The following C11orf97 variants were observed in gnomAD, a reference collection of about 807,000 sequenced individuals.
The protein encoded by C11orf97 is uncharacterized protein C11orf97.
C11orf97 carries 15 observed loss-of-function variants against 16.2 expected under a neutral mutation model. That is an observed-to-expected ratio of 0.93 (90% CI 0.62 to 1.43). C11orf97 has a LOEUF of 1.43. Among genes scored for constraint, C11orf97 ranks in the 40% most tolerant of loss-of-function variants. The pLI, the probability that C11orf97 is intolerant of heterozygous loss-of-function variation, is 0.00. For synonymous variants in C11orf97, 61 were observed against 65.7 expected (o/e 0.93, Z 0.34); for missense variants, 171 against 161.2 (o/e 1.06, Z -0.33).
intron 1 of C11orf97, among the ~76,000 whole-genome samples, chr11:94,516,823 C>G (rs1947614635): frequency 6.6e-6 from 1 of 152,146 alleles, no homozygotes; most frequent in Non-Finnish European, 1.5e-5. Flanking sequence ...GTAGCAAAAA[C>G]AGCATGTGCA....
intron 2 of C11orf97, among the ~76,000 whole-genome samples, chr11:94,527,605 A>G (rs1216734054): frequency 6.6e-6 from 1 of 152,198 alleles, no homozygotes; most frequent in Non-Finnish European, 1.5e-5. Context: ...TCTTTTTCAG[A>G]GGGAGATTAA....
chr11:94,527,958 A>T (rs1368609679), intron 2 of C11orf97, 126 bp from the exon 3 acceptor site: 4 of 842,764 alleles, frequency 4.7e-6, no homozygotes, highest in Non-Finnish European at 3.5e-6. Context: ...GAGTGGTTTG[A>T]TTAGTCAAAC....
chr11:94,528,082 A>G lies in C11orf97; in HGVS notation c.251-2A>G. On this transcript the variant is annotated splice_acceptor_variant, in intron 2 of 3. Transcript: ENST00000542198. LOFTEE classifies it high-confidence loss of function. ...TTTTCTTGCCTTAAAAAATATTGAC[A>G]GTGGCCCTGGAAGGGATTTGGAGCA... The G allele has an allele frequency of 6.6e-7, 1 of 1,525,944 alleles. No individual in the cohort carries two copies. The highest frequency in any genetic ancestry group is 8.7e-7 in the Non-Finnish European group (1 of 1,142,938). 94.5% of individuals were successfully genotyped at this position (1,525,944 alleles called of 1,614,324 possible). A position where few individuals can be genotyped will look rare whatever the true frequency, so the allele number is the denominator to read the frequency against.
rs1947577020 is a variant in C11orf97, at chr11:94,512,533, C to T, written c.5C>T (p.Thr2Ile). 2.3e-6 allele frequency: 3 copies of T among 1,308,628 alleles called. No individual in the cohort carries two copies. The highest frequency in any genetic ancestry group is 1.5e-5 in the African/African-American group (1 of 65,422). 81.1% of individuals were successfully genotyped at this position (1,308,628 alleles called of 1,614,324 possible). M[T>I]GEEAVVVTAV... The stretch of plus-strand genomic sequence containing the variant: ...CTCTCGGAAGACCGCTGCGGCATGA[C>T]AGGCGAGGAGGCGGTGGTGGTGACC... The change falls in exon 1 of 4, where the codon ACA becomes ATA. Residue 2 changes from threonine (T) to isoleucine (I), a missense_variant. By Grantham distance (89) the Thr-to-Ile change is moderately conservative (BLOSUM62 -1). Coordinates refer to ENST00000542198, the MANE Select transcript of C11orf97 (RefSeq NM_001190462.2).
chr11:94,528,330 T>A (rs949838608), intron 3 of C11orf97, 121 bp downstream of exon 3: 14 of 952,554 alleles, frequency 1.5e-5, no homozygotes, highest in Non-Finnish European at 2.0e-5. Flanking sequence ...TTTGACTTGT[T>A]TCTCTTGGGT....
intron 3 of C11orf97, among the ~76,000 whole-genome samples, chr11:94,528,432 A>G (rs1338508287): frequency 1.3e-5 from 2 of 152,250 alleles, no homozygotes; most frequent in African/African-American, 4.8e-5. Context: ...ACAGAAGTTC[A>G]TCCTCTGAGT....
chr11:94,528,014 A>G, intron 2 of C11orf97, 70 bp from the exon 3 acceptor site: 1 of 1,393,434 alleles, frequency 7.2e-7, no homozygotes, highest in Non-Finnish European at 9.4e-7. Context: ...CCAATTAAAT[A>G]CTTTAAAAAC....
Position 94,512,662 on chromosome 11 carries a change from A to C in C11orf97, c.134A>C (p.His45Pro). The change falls in exon 1 of 4, where the codon CAC becomes CCC. Residue 45 changes from histidine (H) to proline (P), a missense_variant. Transcript: ENST00000542198. ...GAACCCGGCCGCGGCCCCCTAGAGC[A>C]CGGCCAGCAGTGTGAGTTCAGCTCC... The part of the protein sequence containing the change: ...RGEPGRGPLE[H>P]GQQWKKFLYC... 1 of 1,244,410 alleles carries C rather than the reference A, an allele frequency of 8.0e-7. No homozygotes were observed. Among genetic ancestry groups the C allele is most frequent in the Non-Finnish European group, 1.0e-6 (1 of 993,770 alleles). The allele number at this position is 1,244,410 out of a possible 1,614,324, so 77.1% of individuals were successfully genotyped here.
chr11:94,519,217 A>G (rs1367002914), intron 2 of C11orf97, among the ~76,000 whole-genome samples: 1 of 152,120 alleles, frequency 6.6e-6, no homozygotes, highest in Non-Finnish European at 1.5e-5. Flanking sequence ...CCCACTTTAC[A>G]TTTCTAAAGC....
intron 2 of C11orf97, among the ~76,000 whole-genome samples, chr11:94,518,068 G>C (rs1947625497): frequency 6.7e-6 from 1 of 150,216 alleles, no homozygotes; most frequent in African/African-American, 2.5e-5. Context: ...AGAATGGCGT[G>C]AACCGGGAGG....
chr11:94,521,758 T>G (rs1395154857), intron 2 of C11orf97, among the ~76,000 whole-genome samples: 2 of 152,222 alleles, frequency 1.3e-5, no homozygotes, highest in Non-Finnish European at 2.9e-5. Context: ...GTGTTTAACT[T>G]GCCCAAGGTT....
chr11:94,515,412 A>G (rs919460475), intron 1 of C11orf97, among the ~76,000 whole-genome samples: 2 of 152,160 alleles, frequency 1.3e-5, no homozygotes, highest in Non-Finnish European at 2.9e-5. Context: ...ACAGCTTCTC[A>G]TCCTCTATAC....
intron 3 of C11orf97, among the ~76,000 whole-genome samples, chr11:94,528,453 A>T (rs1307018662): frequency 6.6e-6 from 1 of 152,022 alleles, no homozygotes; most frequent in Non-Finnish European, 1.5e-5. Flanking sequence ...TACACTCATG[A>T]CTTTTTTCTT....
chr11:94,518,985 T>C (rs553120151), intron 2 of C11orf97, among the ~76,000 whole-genome samples: 18 of 152,032 alleles, frequency 1.2e-4, no homozygotes, highest in Non-Finnish European at 2.5e-4. Context: ...CTCTGCTCAC[T>C]GCAACCTCTG....
chr11:94,531,685 A>T (rs1452214465), intron 3 of C11orf97, among the ~76,000 whole-genome samples: 1 of 152,108 alleles, frequency 6.6e-6, no homozygotes, highest in African/African-American at 2.4e-5. Flanking sequence ...GGTGATGCTG[A>T]TGCTGCTTGT....
intron 2 of C11orf97, among the ~76,000 whole-genome samples, chr11:94,525,274 T>C (rs1947691022): frequency 6.6e-6 from 1 of 152,196 alleles, no homozygotes; most frequent in South Asian, 2.1e-4. Context: ...CTACAGAGGT[T>C]ATAGTAGTCA....
chr11:94,517,194 C>T (rs1947617033), intron 1 of C11orf97, among the ~76,000 whole-genome samples: 1 of 152,190 alleles, frequency 6.6e-6, no homozygotes, highest in South Asian at 2.1e-4. Flanking sequence ...AAGCTCTATA[C>T]ACACATCTGT....
chr11:94,512,678 G>T lies in C11orf97; in HGVS notation c.145+5G>T. The T allele has an allele frequency of 8.1e-7, 1 of 1,237,754 alleles. No individual in the cohort carries two copies. Among genetic ancestry groups the T allele is most frequent in the Non-Finnish European group, 1.0e-6 (1 of 990,510 alleles). 76.7% of individuals were successfully genotyped at this position (1,237,754 alleles called of 1,614,324 possible). A position where few individuals can be genotyped will look rare whatever the true frequency, so the allele number is the denominator to read the frequency against. On this transcript the variant is annotated splice_donor_5th_base_variant and intron_variant, in intron 1 of 3. Coordinates refer to ENST00000542198, the MANE Select transcript of C11orf97 (RefSeq NM_001190462.2). ...CCCTAGAGCACGGCCAGCAGTGTGAGTTCAGCTCCAGCCGCGGACGCTACT... is the reference window on the plus strand; with the variant it reads ...CCCTAGAGCACGGCCAGCAGTGTGATTTCAGCTCCAGCCGCGGACGCTACT...
intron 1 of C11orf97, among the ~76,000 whole-genome samples, chr11:94,515,559 C>T (rs1947605235): frequency 6.7e-6 from 1 of 149,896 alleles, no homozygotes; most frequent in Non-Finnish European, 1.5e-5. Context: ...TTTGCTTTCC[C>T]TTCCTTTCCT....
Sources: allele counts gnomAD v4.1 joint callset (sites outside exome capture counted in the v4.1 genomes callset), GRCh38; gene constraint gnomAD v4.1.1; transcripts MANE v1.5; gene names NCBI Gene and HGNC (gene_info 2026-07-23, HGNC 2026-07-21).